The following LRP8 variants were observed in gnomAD, a reference collection of about 807,000 sequenced individuals.
The protein encoded by LRP8 is low-density lipoprotein receptor-related protein 8.
In LRP8, 46 loss-of-function variants were observed where a neutral mutation model predicts 111.6. That is an observed-to-expected ratio of 0.41 (90% CI 0.33 to 0.53). The LOEUF is 0.53. Ranked by LOEUF, LRP8 falls within the 20% of genes least tolerant of loss-of-function variation. The pLI is 0.20. For missense variants in LRP8, 959 were observed against 1,297.4 expected, an observed-to-expected ratio of 0.74 and a Z score of 4.01; for synonymous variants, 464 against 511.2, an observed-to-expected ratio of 0.91 and a Z score of 1.24.
At chr1:53,307,180 G>T (rs764066417) in intron 2 of LRP8, among the ~76,000 whole-genome samples, 1 of 152,206 alleles carries the variant, frequency 6.6e-6, no homozygotes, top group Non-Finnish European at 1.5e-5. Flanking sequence ...CAGGGCAGCA[G>T]CCCGCTGGAA....
intron 16 of LRP8, among the ~76,000 whole-genome samples, chr1:53,253,906 CTTAAAGGACT>C (rs1645982259): frequency 6.6e-6 from 1 of 152,162 alleles, no homozygotes; most frequent in Non-Finnish European, 1.5e-5. Flanking sequence ...TAACATCTAC[CTTAAAGGACT>C]TTATTTTTGC....
chr1:53,277,224 GC>G (rs1227303704), intron 4 of LRP8, 146 bp from the exon 5 acceptor site: 25 of 1,234,242 alleles, frequency 2.0e-5, no homozygotes, highest in African/African-American at 3.2e-5. Flanking sequence ...GTGCAGTTAG[GC>G]ATAGCGAAGG....
At chr1:53,297,095 G>A (rs1433650779) in intron 2 of LRP8, among the ~76,000 whole-genome samples, 1 of 152,160 alleles carries the variant, frequency 6.6e-6, no homozygotes, top group Non-Finnish European at 1.5e-5. Context: ...CCCTGGACAT[G>A]TGATGTTCCT....
chr1:53,247,619 G>A (rs1297926030), intron 18 of LRP8, among the ~76,000 whole-genome samples: 2 of 152,138 alleles, frequency 1.3e-5, no homozygotes, highest in Non-Finnish European at 2.9e-5. Context: ...ACTCCTGTCT[G>A]CCAAAAATGG....
intron 2 of LRP8, among the ~76,000 whole-genome samples, chr1:53,314,943 G>A (rs1401766419): frequency 1.3e-5 from 2 of 152,334 alleles, no homozygotes; most frequent in African/African-American, 4.8e-5. Context: ...TGAGGCCAGA[G>A]CCCAGGGGGA....
chr1:53,264,105 T>C, intron 10 of LRP8, 64 bp downstream of exon 10: 2 of 1,494,474 alleles, frequency 1.3e-6, no homozygotes, highest in Non-Finnish European at 1.8e-6. Flanking sequence ...ATAGCCCTTG[T>C]GACAGACACA....
chr1:53,280,806 T>A, intron 3 of LRP8, 91 bp from the exon 4 acceptor site: 1 of 1,524,554 alleles, frequency 6.6e-7, no homozygotes, highest in South Asian at 1.2e-5. Flanking sequence ...AGCCATCTGG[T>A]CCAAGGCCCT....
At chr1:53,324,857 C>T (rs529628185) in intron 2 of LRP8, among the ~76,000 whole-genome samples, 1 of 152,322 alleles carries the variant, frequency 6.6e-6, no homozygotes, top group South Asian at 2.1e-4. Context: ...CCTCAGCAGA[C>T]AGTGCCCTGA....
intron 2 of LRP8, among the ~76,000 whole-genome samples, chr1:53,324,079 A>T (rs1310686301): frequency 6.6e-6 from 1 of 152,246 alleles, no homozygotes; most frequent in African/African-American, 2.4e-5. Context: ...AAGGTGGGGC[A>T]GCTCAAGCCC....
chr1:53,250,924 G>A lies in LRP8; in HGVS notation c.2504-62C>T. On this transcript the variant is annotated intron_variant, in intron 16 of 18. Transcript: ENST00000306052. This position sits in a 1 kb window ranked among gnomAD's most constrained non-coding sequence, Gnocchi z 4.6. ...GCTCCAACCCACTGCTCAGACATCT[G>A]TACAAGGCTTGTCACCACTCCACTT... The A allele has an allele frequency of 6.9e-7, 1 of 1,446,414 alleles. No homozygotes were observed. The highest frequency in any genetic ancestry group is 9.7e-7 in the Non-Finnish European group (1 of 1,033,442). 89.6% of individuals were successfully genotyped at this position (1,446,414 alleles called of 1,614,324 possible).
In LRP8 at chr1:53,260,317, A is replaced by C. The variant is rs565904424; in HGVS notation, c.2056+147T>G. ...AAATGAGACAAAATATATGATGAAA[A>C]AGTACTCTACCAACAAGAGGGATTG... On this transcript the variant is annotated intron_variant, in intron 13 of 18. Coordinates refer to ENST00000306052, the MANE Select transcript of LRP8 (RefSeq NM_004631.5). 1.3e-5 allele frequency: 9 copies of C among 718,452 alleles called. No individual in the cohort carries two copies. In the South Asian group the frequency reaches 1.7e-4, roughly 13 times the overall value. The allele number at this position is 718,452 out of a possible 1,614,324, so 44.5% of individuals were successfully genotyped here.
At chr1:53,280,460 T>C in intron 4 of LRP8, 127 bp downstream of exon 4, 1 of 1,220,398 alleles carries the variant, frequency 8.2e-7, no homozygotes, top group Non-Finnish European at 1.1e-6. Flanking sequence ...AGTGTCCTGA[T>C]CGTTATCCTT....
rs767691715 is a variant in LRP8 at position 53,262,192 on chromosome 1, C to T, written c.1790G>A (p.Arg597His). The T allele has an allele frequency of 1.2e-5, 20 of 1,613,308 alleles. No homozygotes were observed. Among genetic ancestry groups the T allele is most frequent in the South Asian group, 5.5e-5 (5 of 91,032 alleles). ...TAGCTTGGAGTCTACCCAGTACAAG[C>T]GCTGGCTCAGCAGATCTTGGGAAGG... Reference protein sequence around the residue: ...NGITLDLLSQRLYWVDSKLHQ... With the variant: ...NGITLDLLSQHLYWVDSKLHQ... The change falls in exon 12 of 19, where the codon CGC becomes CAC. Residue 597 changes from arginine to histidine, a missense_variant. Coordinates refer to ENST00000306052, the MANE Select transcript of LRP8 (RefSeq NM_004631.5). This position sits in a 1 kb window ranked among gnomAD's most constrained non-coding sequence, Gnocchi z 4.8.
intron 3 of LRP8, 97 bp from the exon 4 acceptor site, chr1:53,280,812 G>C: frequency 6.8e-7 from 1 of 1,475,292 alleles, no homozygotes; most frequent in Non-Finnish European, 9.2e-7. Context: ...CTGGTCCAAG[G>C]CCCTAGGAGT....
At chr1:53,291,907 C>G (rs1206532883) in intron 2 of LRP8, 4 of 152,248 alleles carry the variant, frequency 2.6e-5, no homozygotes, top group African/African-American at 9.6e-5. Flanking sequence ...GGTTTGCTTT[C>G]TTCCCTGTCC....
intron 2 of LRP8, among the ~76,000 whole-genome samples, chr1:53,324,160 T>G (rs2100553734): frequency 6.6e-6 from 1 of 152,222 alleles, no homozygotes; most frequent in South Asian, 2.1e-4. Context: ...AGGAGCAGAT[T>G]TTGTTATCCC....
At chr1:53,311,772 C>A (rs1199503511) in intron 2 of LRP8, among the ~76,000 whole-genome samples, 4 of 152,224 alleles carry the variant, frequency 2.6e-5, no homozygotes, top group African/African-American at 9.6e-5. Context: ...CCACCACACG[C>A]CACGGCCACA....
chr1:53,297,816 T>C (rs1400321151), intron 2 of LRP8, among the ~76,000 whole-genome samples: 1 of 152,100 alleles, frequency 6.6e-6, no homozygotes, highest in Non-Finnish European at 1.5e-5. Context: ...ATCTATTTAT[T>C]TCCCAAGAAA....
intron 16 of LRP8, among the ~76,000 whole-genome samples, chr1:53,251,639 CAAT>C (rs896028478): frequency 6.7e-6 from 1 of 149,846 alleles, no homozygotes; most frequent in African/African-American, 2.5e-5. Context: ...AGTAAGATTA[CAAT>C]AATTGATAAG....
Sources: allele counts gnomAD v4.1 joint callset (sites outside exome capture counted in the v4.1 genomes callset), GRCh38; gene constraint gnomAD v4.1.1; non-coding constraint Gnocchi (gnomAD v3.1); transcripts MANE v1.5; gene names NCBI Gene and HGNC (gene_info 2026-07-23, HGNC 2026-07-21).